The following SLC26A5 variants were observed in gnomAD, a reference collection of about 807,000 sequenced individuals.
SLC26A5 encodes solute carrier family 26 member 5.
SLC26A5 carries 51 observed loss-of-function variants against 81.0 expected under a neutral mutation model. The ratio of observed to expected loss-of-function variants is 0.63; its 90% confidence interval spans 0.50 to 0.80. SLC26A5 has a LOEUF of 0.80. SLC26A5 is among the 30% of genes least tolerant of loss of function. The pLI is 0.00. For missense variants in SLC26A5, 771 were observed against 905.8 expected, an observed-to-expected ratio of 0.85 and a Z score of 1.91; for synonymous variants, 325 against 332.8, an observed-to-expected ratio of 0.98 and a Z score of 0.25.
intron 9 of SLC26A5, among the ~76,000 whole-genome samples, chr7:103,397,044 G>A (rs1165467927): frequency 1.3e-5 from 2 of 150,780 alleles, no homozygotes; most frequent in African/African-American, 4.9e-5. Context: ...GCAGTGAGCC[G>A]AGATTGTGCC....
chr7:103,410,871 C>T (rs1028225028), intron 6 of SLC26A5, among the ~76,000 whole-genome samples: 17 of 152,042 alleles, frequency 1.1e-4, no homozygotes, highest in African/African-American at 2.7e-4. Context: ...CCTTGTGATT[C>T]GCCTGCCTCA....
chr7:103,391,656 C>T lies in SLC26A5; in HGVS notation c.1199G>A (p.Ser400Asn), dbSNP rs1453005855. The T allele has an allele frequency of 6.2e-7, 1 of 1,614,158 alleles. No homozygotes were observed. Among genetic ancestry groups the T allele is most frequent in the Admixed American group, 1.7e-5 (1 of 60,024 alleles). ...CCCACCGGTTCCCTCCTGAACAAGG[C>T]TTCGAGACAAGGAGCATGAAATTGA... ...TFSISCSLSR[S>N]LVQEGTGGKT... The change falls in exon 11 of 20, where the codon AGC becomes AAC. Residue 400 changes from serine (S) to asparagine (N), a missense_variant. Coordinates refer to ENST00000306312, the MANE Select transcript of SLC26A5 (RefSeq NM_198999.3).
chr7:103,412,972 G>C (rs1399180662), intron 5 of SLC26A5, 30 bp downstream of exon 5: 2 of 1,423,670 alleles, frequency 1.4e-6, no homozygotes, highest in East Asian at 2.3e-5. Context: ...CACAAGGAAA[G>C]GTAATAGAAT....
At chr7:103,370,372 CA>C (rs1458081167), downstream of SLC26A5, among the ~76,000 whole-genome samples, 15 of 151,938 alleles carry the variant, frequency 9.9e-5, no homozygotes. Flanking sequence ...CATCCCCACA[CA>C]AGGGCACACC....
chr7:103,353,202 C>T (rs990119778), intron 19 of SLC26A5, among the ~76,000 whole-genome samples: 2 of 152,124 alleles, frequency 1.3e-5, no homozygotes, highest in Non-Finnish European at 2.9e-5. Flanking sequence ...AATATATGCA[C>T]ATTATATCCT....
At chr7:103,355,739 A>T (rs1190707141) in intron 19 of SLC26A5, 1 of 1,614,062 alleles carries the variant, frequency 6.2e-7, no homozygotes, top group Non-Finnish European at 8.5e-7. Flanking sequence ...GCACTCTGGG[A>T]TTTGGCTGCA....
At chr7:103,429,231 G>A (rs576078830) in intron 2 of SLC26A5, among the ~76,000 whole-genome samples, 5 of 152,098 alleles carry the variant, frequency 3.3e-5, no homozygotes, top group South Asian at 2.1e-4. Context: ...TCTGTGAACC[G>A]GAGGTATCAG....
In SLC26A5 at chr7:103,378,485, G is replaced by A. The variant is rs768987110; in HGVS notation, c.1746C>T (p.Val582=). 3.1e-6 allele frequency: 5 copies of A among 1,614,076 alleles called. No individual in the cohort carries two copies. The highest frequency in any genetic ancestry group is 4.2e-6 in the Non-Finnish European group (5 of 1,179,992). ...RKAMRKYAKE[V]GNANMANATV... ...TTGCGTTGGCCATATTTGCATTTCC[G>A]ACTTCCTTAGCGTACTTCCGCATGG... The change falls in exon 17 of 20, where the codon GTC becomes GTT. Residue 582 remains valine (V), a synonymous_variant. Coordinates refer to ENST00000306312, the MANE Select transcript of SLC26A5 (RefSeq NM_198999.3).
At chr7:103,399,903 T>C (rs1402880380) in intron 8 of SLC26A5, among the ~76,000 whole-genome samples, 1 of 152,200 alleles carries the variant, frequency 6.6e-6, no homozygotes, top group Admixed American at 6.5e-5. Flanking sequence ...CATGAACTCA[T>C]CCTTTTTTAT....
At chr7:103,445,400 C>A (rs936707466) in intron 1 of SLC26A5, 2 of 152,234 alleles carry the variant, frequency 1.3e-5, no homozygotes, top group Non-Finnish European at 2.9e-5. Flanking sequence ...CCGCGAGCTT[C>A]GAGAGTTCAG....
At chr7:103,434,324 C>A (rs966478165) in intron 2 of SLC26A5, among the ~76,000 whole-genome samples, 4 of 152,078 alleles carry the variant, frequency 2.6e-5, no homozygotes, top group African/African-American at 9.7e-5. Context: ...TCATGAGAAG[C>A]CTTATGTTAA....
Position 103,392,908 on chromosome 7 carries a change from A to T in SLC26A5, c.1119+11T>A. The T allele has an allele frequency of 6.2e-7, 1 of 1,613,926 alleles. No homozygotes were observed. Among genetic ancestry groups the T allele is most frequent in the South Asian group, 1.1e-5 (1 of 91,076 alleles). ...GCTATGAAACATGTGCAGGAAACTG[A>T]TTATCTTTACCTGATTGCCGTCAAC... On this transcript the variant is annotated intron_variant, in intron 10 of 19. Coordinates refer to ENST00000306312, the MANE Select transcript of SLC26A5 (RefSeq NM_198999.3).
At chr7:103,437,990 GTTC>G (rs1331680568) in intron 2 of SLC26A5, among the ~76,000 whole-genome samples, 2 of 152,124 alleles carry the variant, frequency 1.3e-5, no homozygotes, top group Non-Finnish European at 2.9e-5. Flanking sequence ...CCAAACTCAT[GTTC>G]TATATGAAGT....
intron 2 of SLC26A5, among the ~76,000 whole-genome samples, chr7:103,430,537 G>A (rs1826000463): frequency 6.6e-6 from 1 of 152,104 alleles, no homozygotes; most frequent in African/African-American, 2.4e-5. Context: ...GACATCTGGT[G>A]AGTTACTTGA....
intron 2 of SLC26A5, among the ~76,000 whole-genome samples, chr7:103,439,183 G>C (rs2116857562): frequency 6.6e-6 from 1 of 152,244 alleles, no homozygotes; most frequent in South Asian, 2.1e-4. Context: ...GCAACAAGGA[G>C]AAAGGGAAAC....
chr7:103,444,898 G>A (rs533491444), intron 1 of SLC26A5, among the ~76,000 whole-genome samples: 1 of 152,146 alleles, frequency 6.6e-6, no homozygotes, highest in Admixed American at 6.5e-5. Flanking sequence ...CAATACTACC[G>A]TAATTAGAAG....
At chr7:103,436,273 C>T (rs984633696) in intron 2 of SLC26A5, among the ~76,000 whole-genome samples, 9 of 151,986 alleles carry the variant, frequency 5.9e-5, no homozygotes, top group South Asian at 2.1e-4. Context: ...GCATTTGAGA[C>T]GAAAGCGCAA....
chr7:103,411,506 C>G lies in SLC26A5; in HGVS notation c.484G>C (p.Val162Leu), dbSNP rs1487807650. The G allele has an allele frequency of 6.2e-7, 1 of 1,614,104 alleles. No homozygotes were observed. The highest frequency in any genetic ancestry group is 1.3e-5 in the African/African-American group (1 of 74,938). The change falls in exon 6 of 20, where the codon GTA (valine) becomes CTA (leucine). Residue 162 changes from valine (V) to leucine (L), a missense_variant. By Grantham distance (32) the Val-to-Leu change is conservative. Transcript: ENST00000306312. ...VPDDIVIPGG[V>L]NATNGTEARD... ...GCCTCTGTGCCATTGGTTGCATTTA[C>G]TCCTCCTGGAATGACTATATCATCT...
At chr7:103,432,516 AT>A (rs1562807103) in intron 2 of SLC26A5, among the ~76,000 whole-genome samples, 1 of 152,198 alleles carries the variant, frequency 6.6e-6, no homozygotes, top group East Asian at 1.9e-4. Flanking sequence ...TTTTTTAAAA[AT>A]ATTTAAAGCC....
Sources: allele counts gnomAD v4.1 joint callset (sites outside exome capture counted in the v4.1 genomes callset), GRCh38; gene constraint gnomAD v4.1.1; transcripts MANE v1.5; gene names NCBI Gene and HGNC (gene_info 2026-07-23, HGNC 2026-07-21).